Variants in KIRREL3 observed in about 807,000 individuals in gnomAD.
KIRREL3 encodes kirre like nephrin family adhesion molecule 3.
KIRREL3 carries 36 observed loss-of-function variants against 89.7 expected under a neutral mutation model. That is an observed-to-expected ratio of 0.40 (90% CI 0.31 to 0.53). The LOEUF (loss-of-function observed/expected upper bound fraction) is 0.53. KIRREL3 is among the 20% of genes least tolerant of loss of function. KIRREL3 has a pLI of 0.49. For missense variants in KIRREL3, 864 were observed against 1,056.6 expected (o/e 0.82, Z 2.53); for synonymous variants, 445 against 441.4 (o/e 1.01, Z -0.10).
Position 126,476,344 on chromosome 11 carries a change from G to C in KIRREL3, c.434-2878C>G, listed in dbSNP as rs1024404978. Among the ~76,000 whole-genome samples, 5 of 152,194 alleles carry C rather than the reference G, an allele frequency of 3.3e-5. No homozygotes were observed. The highest frequency in any genetic ancestry group is 7.3e-5 in the Non-Finnish European group (5 of 68,036). The stretch of plus-strand genomic sequence containing the variant: ...CTCTGGACTCTGGGCTGAGGGGCAG[G>C]AGCCTCTGCTTGCTCTGAGCACAGT... On this transcript the variant is annotated intron_variant, in intron 4 of 16. Coordinates refer to ENST00000525144, the MANE Select transcript of KIRREL3 (RefSeq NM_032531.4). This position sits in a 1 kb window ranked among gnomAD's most constrained non-coding sequence, Gnocchi z 6.4.
chr11:126,841,536 T>C (rs1014944870), intron 1 of KIRREL3, among the ~76,000 whole-genome samples: 1 of 152,252 alleles, frequency 6.6e-6, no homozygotes, highest in South Asian at 2.1e-4. Flanking sequence ...TAATTCATTA[T>C]TCGTTTACAG....
At chr11:126,942,775 G>A (rs898953063) in intron 1 of KIRREL3, among the ~76,000 whole-genome samples, 31 of 152,160 alleles carry the variant, frequency 2.0e-4, no homozygotes, top group East Asian at 7.7e-4. Context: ...CCCTTGAGGC[G>A]CTCCCTTGAG....
intron 1 of KIRREL3, among the ~76,000 whole-genome samples, chr11:126,884,568 C>T (rs1047281463): frequency 2.0e-5 from 3 of 152,188 alleles, no homozygotes; most frequent in Non-Finnish European, 4.4e-5. Context: ...ACAGACACAC[C>T]ACAAGGGGAG....
chr11:126,706,485 T>A (rs1290724590), intron 1 of KIRREL3, among the ~76,000 whole-genome samples: 2 of 152,204 alleles, frequency 1.3e-5, no homozygotes, highest in Non-Finnish European at 2.9e-5. Context: ...TATAAATATA[T>A]GTCTCTAGGT....
intron 2 of KIRREL3, among the ~76,000 whole-genome samples, chr11:126,552,724 C>A (rs1342978701): frequency 6.6e-6 from 1 of 151,850 alleles, no homozygotes; most frequent in African/African-American, 2.4e-5. Flanking sequence ...CCATGCCCAG[C>A]TAATTTTTTT....
intron 1 of KIRREL3, among the ~76,000 whole-genome samples, chr11:126,847,844 G>C (rs993231770): frequency 6.6e-6 from 1 of 152,162 alleles, no homozygotes; most frequent in Non-Finnish European, 1.5e-5. Context: ...GAAGTTACTC[G>C]TGTTCTTAAC....
rs1005524659 is a variant in KIRREL3, at chr11:126,830,112, C to A, written c.55+170343G>T. Among the ~76,000 whole-genome samples, 2 of 152,098 alleles carry A rather than the reference C, an allele frequency of 1.3e-5. No individual in the cohort carries two copies. The highest frequency in any genetic ancestry group is 3.9e-4 in the East Asian group (2 of 5,190). On this transcript the variant is annotated intron_variant, in intron 1 of 16. Transcript: ENST00000525144. The surrounding 1 kb of genome is among the most constrained non-coding windows in gnomAD (Gnocchi z 4.9). ...GGTTGCCTTGCAAAAGAAAAAAAAC[C>A]CATCCCCTTACTGCTGGAAATCACA...
At chr11:126,536,408 T>G (rs533498364) in intron 2 of KIRREL3, among the ~76,000 whole-genome samples, 1 of 152,230 alleles carries the variant, frequency 6.6e-6, no homozygotes, top group South Asian at 2.1e-4. Context: ...AGGGATGCAT[T>G]CTGGAACTCC....
At chr11:126,962,362 C>T (rs1042058909) in intron 1 of KIRREL3, among the ~76,000 whole-genome samples, 2 of 152,134 alleles carry the variant, frequency 1.3e-5, no homozygotes, top group Non-Finnish European at 2.9e-5. Flanking sequence ...TTCCAATCCT[C>T]ACGGATGACT....
chr11:126,800,238 C>T (rs1183548892), intron 1 of KIRREL3, among the ~76,000 whole-genome samples: 3 of 152,190 alleles, frequency 2.0e-5, no homozygotes, highest in African/African-American at 7.2e-5. Flanking sequence ...AATCTGACTC[C>T]GTGAGACAAA....
Position 126,682,245 on chromosome 11 carries a change from A to G in KIRREL3, c.56-119333T>C. The G allele has an allele frequency of 4.6e-6, 1 of 217,726 alleles. No individual in the cohort carries two copies. Among genetic ancestry groups the G allele is most frequent in the East Asian group, 1.1e-4 (1 of 8,916 alleles). 13.5% of individuals were successfully genotyped at this position (217,726 alleles called of 1,614,324 possible). On this transcript the variant is annotated intron_variant, in intron 1 of 16. Transcript: ENST00000525144. This position sits in a 1 kb window ranked among gnomAD's most constrained non-coding sequence, Gnocchi z 4.8. ...AATCAATTGCTGAAACACTTCTTAA[A>G]TGTGTTCCCTCCTATGCATTCTGCT...
At chr11:126,827,825 C>T (rs1943469279) in intron 1 of KIRREL3, among the ~76,000 whole-genome samples, 1 of 152,108 alleles carries the variant, frequency 6.6e-6, no homozygotes, top group Admixed American at 6.6e-5. Flanking sequence ...AATTTTCTTC[C>T]TGTTTTTATC....
chr11:126,584,481 G>A (rs1941720237), intron 1 of KIRREL3, among the ~76,000 whole-genome samples: 1 of 152,186 alleles, frequency 6.6e-6, no homozygotes, highest in South Asian at 2.1e-4. Context: ...CCAGTAGTCT[G>A]AAAACTCATT....
At chr11:126,966,490 AT>A (rs1424424402) in intron 1 of KIRREL3, among the ~76,000 whole-genome samples, 1 of 152,140 alleles carries the variant, frequency 6.6e-6, no homozygotes, top group Non-Finnish European at 1.5e-5. Context: ...ACATCATGGT[AT>A]CCTCCTAAAC....
Position 126,640,361 on chromosome 11 carries a change from C to T in KIRREL3, c.56-77449G>A, listed in dbSNP as rs1191970055. The stretch of plus-strand genomic sequence containing the variant: ...ACACACACAGACGCGCGTGTGCGCG[C>T]GCACACACACGCACACGCGCACACA... On this transcript the variant is annotated intron_variant, in intron 1 of 16. Coordinates refer to ENST00000525144, the MANE Select transcript of KIRREL3 (RefSeq NM_032531.4). This position sits in a 1 kb window ranked among gnomAD's most constrained non-coding sequence, Gnocchi z 4.9. Among the ~76,000 whole-genome samples, 3 of 152,010 alleles carry T rather than the reference C, an allele frequency of 2.0e-5. No individual in the cohort carries two copies. The highest frequency in any genetic ancestry group is 4.4e-5 in the Non-Finnish European group (3 of 67,966).
rs1335926065 is a variant in KIRREL3 at position 126,703,746 on chromosome 11, A to C, written c.56-140834T>G. ...GCCTGGGCCAGTGTTTCCGTGCCAG[A>C]AACCCTGTCTCAGAGGGCAGGAAAG... is the stretch of plus-strand genomic sequence containing the variant. On this transcript the variant is annotated intron_variant, in intron 1 of 16. Coordinates refer to ENST00000525144, the MANE Select transcript of KIRREL3 (RefSeq NM_032531.4). The surrounding 1 kb of genome is among the most constrained non-coding windows in gnomAD (Gnocchi z 4.6). Among the ~76,000 whole-genome samples the C allele has an allele frequency of 1.3e-5, 2 of 152,222 alleles. No homozygotes were observed. Among genetic ancestry groups the C allele is most frequent in the Non-Finnish European group, 2.9e-5 (2 of 68,044 alleles).
At position 126,909,903 on chromosome 11, in the gene KIRREL3, C is replaced by T. The variant is rs1946747007; in HGVS notation, c.55+90552G>A. 6.6e-6 allele frequency among the ~76,000 whole-genome samples: 1 copy of T among 152,162 alleles called. No homozygotes were observed. The highest frequency in any genetic ancestry group is 1.5e-5 in the Non-Finnish European group (1 of 68,036). On this transcript the variant is annotated intron_variant, in intron 1 of 16. Coordinates refer to ENST00000525144, the MANE Select transcript of KIRREL3 (RefSeq NM_032531.4). The surrounding 1 kb of genome is among the most constrained non-coding windows in gnomAD (Gnocchi z 4.5). ...ATTTTTTTATTGCAATAATAAGTTTCTCAACTCCTAATGGACCCTGTATTA... is the reference window on the plus strand; with the variant it reads ...ATTTTTTTATTGCAATAATAAGTTTTTCAACTCCTAATGGACCCTGTATTA...
chr11:126,792,480 G>A (rs748312365), intron 1 of KIRREL3, among the ~76,000 whole-genome samples: 6 of 152,166 alleles, frequency 3.9e-5, no homozygotes, highest in South Asian at 2.1e-4. Flanking sequence ...ACTCGTGTAC[G>A]TAACCACTGG....
rs895025422 is a variant in KIRREL3 at position 126,576,498 on chromosome 11, C to T, written c.56-13586G>A. The stretch of plus-strand genomic sequence containing the variant: ...CATTTTAGACAGCTTCTATGTAGTT[C>T]CTTTCCCTTACACGTAATTTAGAGG... On this transcript the variant is annotated intron_variant, in intron 1 of 16. Transcript: ENST00000525144. This position sits in a 1 kb window ranked among gnomAD's most constrained non-coding sequence, Gnocchi z 5.4. 5.9e-5 allele frequency among the ~76,000 whole-genome samples: 9 copies of T among 152,146 alleles called. No individual in the cohort carries two copies. The highest frequency in any genetic ancestry group is 9.7e-5 in the African/African-American group (4 of 41,426).
Sources: gnomAD v4.1 joint callset for allele counts (sites outside exome capture counted in the v4.1 genomes callset) on GRCh38, gnomAD v4.1.1 for gene constraint, Gnocchi (gnomAD v3.1) non-coding constraint, MANE v1.5 for transcripts, NCBI Gene and HGNC (gene_info 2026-07-23, HGNC 2026-07-21) for gene names.